GLTP: variants seen among roughly 807,000 people sequenced by gnomAD.
The protein encoded by GLTP is glycolipid transfer protein.
Under a neutral mutation model 24.0 loss-of-function variants are expected in GLTP, and 22 were observed. The ratio of observed to expected loss-of-function variants is 0.92; its 90% confidence interval spans 0.65 to 1.31. The LOEUF is 1.31. GLTP is among the 50% of genes most tolerant of loss of function. The probability of loss-of-function intolerance (pLI) is 0.00; values close to 1 mark genes in which losing one functional copy is unlikely to be tolerated. For missense variants in GLTP, 224 were observed against 276.6 expected, an observed-to-expected ratio of 0.81 and a Z score of 1.35; for synonymous variants, 92 against 115.9, an observed-to-expected ratio of 0.79 and a Z score of 1.33.
At position 109,857,615 on chromosome 12, in the gene GLTP, G is replaced by T; in HGVS notation, c.207C>A (p.Thr69=). 1 of 1,613,952 alleles carries T rather than the reference G, an allele frequency of 6.2e-7. No homozygotes were observed. The highest frequency in any genetic ancestry group is 1.1e-5 in the South Asian group (1 of 91,070). The change falls in exon 3 of 5, where the codon ACC becomes ACA. Residue 69 remains threonine, a synonymous_variant. Coordinates refer to ENST00000318348, the MANE Select transcript of GLTP (RefSeq NM_016433.4). This position sits in a 1 kb window ranked among gnomAD's most constrained non-coding sequence, Gnocchi z 4.3. ...VYDTNPAKFR[T]LQNILEVEKE... ...TCTCCACCTCCAGGATGTTCTGCAG[G>T]GTCCGGAACTTGGCTGGGTTGGTGT...
intron 2 of GLTP, 72 bp downstream of exon 2, chr12:109,858,611 A>G: frequency 1.8e-6 from 2 of 1,087,156 alleles, no homozygotes; most frequent in South Asian, 2.5e-5. Flanking sequence ...TGGGACCATG[A>G]TGCTGGTAAC....
Position 109,880,132 on chromosome 12 carries a change from G to A in GLTP, c.103+140C>T. 1.7e-6 allele frequency: 1 copy of A among 575,736 alleles called. No homozygotes were observed. The highest frequency in any genetic ancestry group is 3.4e-5 in the East Asian group (1 of 29,328). 35.7% of individuals were successfully genotyped at this position (575,736 alleles called of 1,614,324 possible). A position where few individuals can be genotyped will look rare whatever the true frequency, so the allele number is the denominator to read the frequency against. ...GGAAAGGGAGAATTTAGGGTGAGTG[G>A]AGGGAAAGAGGATCTTGGGTGCCTG... On this transcript the variant is annotated intron_variant, in intron 1 of 4. Transcript: ENST00000318348. The surrounding 1 kb of genome is among the most constrained non-coding windows in gnomAD (Gnocchi z 5.1).
At chr12:109,864,544 C>T (rs959382535) in intron 1 of GLTP, among the ~76,000 whole-genome samples, 5 of 152,128 alleles carry the variant, frequency 3.3e-5, no homozygotes, top group Non-Finnish European at 5.9e-5. Context: ...TCAACATCAC[C>T]CACCCAAGGC....
intron 1 of GLTP, among the ~76,000 whole-genome samples, chr12:109,878,078 A>G (rs902756454): frequency 6.6e-6 from 1 of 152,214 alleles, no homozygotes; most frequent in African/African-American, 2.4e-5. Flanking sequence ...GACACCCCAC[A>G]GCACAGGGAT....
At chr12:109,871,081 CTTTT>C (rs965998479) in intron 1 of GLTP, among the ~76,000 whole-genome samples, 1 of 114,434 alleles carries the variant, frequency 8.7e-6, no homozygotes. Flanking sequence ...CATTTCCATT[CTTTT>C]TTTTTTTTTT....
At chr12:109,858,091 G>C in intron 2 of GLTP, 1 of 458,804 alleles carries the variant, frequency 2.2e-6, no homozygotes, top group South Asian at 1.5e-5. Flanking sequence ...GAAGGCCTCT[G>C]AGATGGAGCC....
intron 1 of GLTP, among the ~76,000 whole-genome samples, chr12:109,863,438 C>T (rs1565898655): frequency 6.6e-6 from 1 of 152,198 alleles, no homozygotes; most frequent in Non-Finnish European, 1.5e-5. Flanking sequence ...TGCTATGCCC[C>T]CAGCACCCAG....
rs1892818901 is a variant in GLTP, at chr12:109,857,800, A to G, written c.163-141T>C. On this transcript the variant is annotated intron_variant, in intron 2 of 4. Coordinates refer to ENST00000318348, the MANE Select transcript of GLTP (RefSeq NM_016433.4). This position sits in a 1 kb window ranked among gnomAD's most constrained non-coding sequence, Gnocchi z 4.3. ...AACAGCAGGGATAAGACTTGTAACAATAACTATGACTGTTCACATGAGCCA... is the reference window on the plus strand; with the variant it reads ...AACAGCAGGGATAAGACTTGTAACAGTAACTATGACTGTTCACATGAGCCA... 2.4e-6 allele frequency: 2 copies of G among 825,146 alleles called. No homozygotes were observed. The highest frequency in any genetic ancestry group is 1.5e-5 in the South Asian group (1 of 65,888). The allele number at this position is 825,146 out of a possible 1,614,324, so 51.1% of individuals were successfully genotyped here.
At chr12:109,869,323 AAGAAAGAAAGAAAGAAAG>A in intron 1 of GLTP, among the ~76,000 whole-genome samples, 1 of 149,792 alleles carries the variant, frequency 6.7e-6, no homozygotes, top group Non-Finnish European at 1.5e-5. Flanking sequence ...AAAAAAAAGA[AAGAAAGAAAGAAAGAAAG>A]AGAAAGAAAA....
At chr12:109,868,666 G>A (rs1016041983) in intron 1 of GLTP, among the ~76,000 whole-genome samples, 9 of 152,322 alleles carry the variant, frequency 5.9e-5, no homozygotes, top group African/African-American at 9.6e-5. Context: ...TGCCCGTGTC[G>A]TGATGCTACA....
Position 109,880,254 on chromosome 12 carries a change from C to A in GLTP, c.103+18G>T, listed in dbSNP as rs761675478. ...CGCGTGGGGCTGCGGGCCGCCTCCC[C>A]CCTCCATTCCGGCTCACCGAAGAAG... On this transcript the variant is annotated intron_variant, in intron 1 of 4. Transcript: ENST00000318348. The surrounding 1 kb of genome is among the most constrained non-coding windows in gnomAD (Gnocchi z 5.1). 6.7e-7 allele frequency: 1 copy of A among 1,492,212 alleles called. No homozygotes were observed. Among genetic ancestry groups the A allele is most frequent in the South Asian group, 1.1e-5 (1 of 87,570 alleles). 92.4% of individuals were successfully genotyped at this position (1,492,212 alleles called of 1,614,324 possible).
In GLTP at chr12:109,857,443, G is replaced by A; in HGVS notation, c.296+83C>T. On this transcript the variant is annotated intron_variant, in intron 3 of 4. Transcript: ENST00000318348. This position sits in a 1 kb window ranked among gnomAD's most constrained non-coding sequence, Gnocchi z 4.3. ...GGCTCGGAAGTGACCTTCCCAGCCT[G>A]AGCTGACACTGCGGAACAGTGACAG... The A allele has an allele frequency of 6.7e-7, 1 of 1,487,238 alleles. No individual in the cohort carries two copies. The highest frequency in any genetic ancestry group is 1.4e-5 in the African/African-American group (1 of 72,208). 92.1% of individuals were successfully genotyped at this position (1,487,238 alleles called of 1,614,324 possible). A position where few individuals can be genotyped will look rare whatever the true frequency, so the allele number is the denominator to read the frequency against.
chr12:109,852,545 G>A lies in GLTP; in HGVS notation c.*10C>T, dbSNP rs370452173. 4.1e-5 allele frequency: 64 copies of A among 1,578,190 alleles called. No homozygotes were observed. In the Middle Eastern group the frequency reaches 2.5e-3, roughly 62 times the overall value. ...CCACGAGTCGGGGACGTGTCCAGCA[G>A]TGGGCATGCCTACACCTTGTAGTTA... is the stretch of plus-strand genomic sequence containing the variant. On this transcript the variant is annotated 3_prime_UTR_variant, in exon 5 of 5. Coordinates refer to ENST00000318348, the MANE Select transcript of GLTP (RefSeq NM_016433.4).
At chr12:109,854,645 T>G (rs570604658) in intron 4 of GLTP, among the ~76,000 whole-genome samples, 1 of 152,276 alleles carries the variant, frequency 6.6e-6, no homozygotes, top group South Asian at 2.1e-4. Flanking sequence ...CTGTGAAGAT[T>G]ACAATTCATG....
intron 1 of GLTP, among the ~76,000 whole-genome samples, chr12:109,859,073 G>A (rs961891830): frequency 6.6e-6 from 1 of 152,172 alleles, no homozygotes; most frequent in Non-Finnish European, 1.5e-5. Context: ...GGTTTATCTT[G>A]AGACAGGGTC....
At chr12:109,876,507 G>A (rs4766643) in intron 1 of GLTP, among the ~76,000 whole-genome samples, 96,671 of 150,598 alleles carry the variant, frequency 0.64, 31,605 homozygotes, top group African/African-American at 0.74. Flanking sequence ...GAAAAACAGA[G>A]AAGAAAGAAA....
chr12:109,873,734 A>G (rs1868800722), intron 1 of GLTP, among the ~76,000 whole-genome samples: 1 of 151,528 alleles, frequency 6.6e-6, no homozygotes, highest in Non-Finnish European at 1.5e-5. Flanking sequence ...ACTTGAGCCC[A>G]GGAGCTGGAG....
chr12:109,880,193 G>T lies in GLTP; in HGVS notation c.103+79C>A, dbSNP rs1329543705. On this transcript the variant is annotated intron_variant, in intron 1 of 4. Coordinates refer to ENST00000318348, the MANE Select transcript of GLTP (RefSeq NM_016433.4). The surrounding 1 kb of genome is among the most constrained non-coding windows in gnomAD (Gnocchi z 5.1). ...ACTTAGGGGTGTCTAGGGCAGAGAT[G>T]GTTAGGGGATGCTCGGGGGAAGGAG... 3.6e-6 allele frequency: 3 copies of T among 824,298 alleles called. No homozygotes were observed. The Admixed American group carries it at 6.2e-5, about 17-fold the overall frequency. The allele number at this position is 824,298 out of a possible 1,614,324, so 51.1% of individuals were successfully genotyped here. A position where few individuals can be genotyped will look rare whatever the true frequency, so the allele number is the denominator to read the frequency against.
rs547393356 is a variant in GLTP at position 109,870,526 on chromosome 12, T to A, written c.103+9746A>T. On this transcript the variant is annotated intron_variant, in intron 1 of 4. Coordinates refer to ENST00000318348, the MANE Select transcript of GLTP (RefSeq NM_016433.4). Reference sequence around the variant, plus strand: ...AAAAAGAAGGTATTATCATTTATGCTTATTATTATAAATTATATCATCATC... The same window carrying A: ...AAAAAGAAGGTATTATCATTTATGCATATTATTATAAATTATATCATCATC... Among the ~76,000 whole-genome samples, 8 of 152,206 alleles carry A rather than the reference T, an allele frequency of 5.3e-5. 1 individual carries two copies. The highest frequency in any genetic ancestry group is 1.9e-4 in the African/African-American group (8 of 41,538).
Sources: gnomAD v4.1 joint callset for allele counts (sites outside exome capture counted in the v4.1 genomes callset) on GRCh38, gnomAD v4.1.1 for gene constraint, Gnocchi (gnomAD v3.1) non-coding constraint, MANE v1.5 for transcripts, NCBI Gene and HGNC (gene_info 2026-07-23, HGNC 2026-07-21) for gene names.